Variants in ELAPOR1 observed in about 807,000 individuals in gnomAD.
The protein encoded by ELAPOR1 is endosome/lysosome-associated apoptosis and autophagy regulator 1.
ELAPOR1 carries 77 observed loss-of-function variants against 119.7 expected under a neutral mutation model. The ratio of observed to expected loss-of-function variants is 0.64; its 90% confidence interval spans 0.54 to 0.78. ELAPOR1 has a LOEUF of 0.78. ELAPOR1 is among the 30% of genes least tolerant of loss of function. The pLI is 0.00. For synonymous variants in ELAPOR1, 481 were observed against 487.2 expected, an observed-to-expected ratio of 0.99 and a Z score of 0.17; for missense variants, 1,115 against 1,270.4, an observed-to-expected ratio of 0.88 and a Z score of 1.86.
At chr1:109,167,810 T>C (rs1369897211) in intron 3 of ELAPOR1, among the ~76,000 whole-genome samples, 2 of 152,114 alleles carry the variant, frequency 1.3e-5, no homozygotes, top group African/African-American at 2.4e-5. Flanking sequence ...GTTTCACTTA[T>C]GTTGCCCAGG....
At chr1:109,162,040 T>C (rs773170019) in intron 2 of ELAPOR1, 26 bp downstream of exon 2, 1 of 1,592,114 alleles carries the variant, frequency 6.3e-7, no homozygotes, top group South Asian at 1.1e-5. Flanking sequence ...GCTCAGGGCC[T>C]CCCTGTCACT....
At position 109,144,061 on chromosome 1, in the gene ELAPOR1, A is replaced by ATATTTTTTTTTT; in HGVS notation, c.154-17832_154-17831insATTTTTTTTTTT. 3.6e-4 allele frequency among the ~76,000 whole-genome samples: 32 copies of ATATTTTTTTTTT among 88,982 alleles called. 1 individual carries two copies. The highest frequency in any genetic ancestry group is 7.1e-4 in the South Asian group (2 of 2,836). The allele number at this position is 88,982 out of a possible 152,430, so 58.4% of individuals were successfully genotyped here. On this transcript the variant is annotated intron_variant, in intron 1 of 21. Coordinates refer to ENST00000369939, the MANE Select transcript of ELAPOR1 (RefSeq NM_020775.5). The stretch of plus-strand genomic sequence containing the variant: ...TATATATATATATATATATTTATAT[A>ATATTTTTTTTTT]TTTTTTTTTTTTTTTGAGATGGAGT...
chr1:109,184,269 GC>G (rs1652919486), intron 7 of ELAPOR1, among the ~76,000 whole-genome samples: 1 of 152,120 alleles, frequency 6.6e-6, no homozygotes, highest in Non-Finnish European at 1.5e-5. Flanking sequence ...TACTCAAGAA[GC>G]TGAGGCAGGA....
At chr1:109,201,278 G>A in intron 21 of ELAPOR1, 1 of 456,406 alleles carries the variant, frequency 2.2e-6, no homozygotes, top group Non-Finnish European at 4.4e-6. Context: ...TCTGATAGAA[G>A]TCAGGCTCTC....
At chr1:109,186,582 G>C in intron 8 of ELAPOR1, 2 of 985,450 alleles carry the variant, frequency 2.0e-6, no homozygotes, top group South Asian at 9.4e-5. Flanking sequence ...GCAGCCAAGA[G>C]AGAATGGCTG....
intron 15 of ELAPOR1, among the ~76,000 whole-genome samples, chr1:109,196,270 C>G (rs776547303): frequency 1.3e-5 from 2 of 152,142 alleles, no homozygotes; most frequent in Non-Finnish European, 2.9e-5. Flanking sequence ...GCAAAGAAGT[C>G]GATGGGTGTT....
chr1:109,181,552 A>G (rs1652695758), intron 7 of ELAPOR1, among the ~76,000 whole-genome samples: 1 of 152,226 alleles, frequency 6.6e-6, no homozygotes. Context: ...ACCCAGAGCT[A>G]GGATGTCAGA....
At chr1:109,131,772 C>T (rs1174971579) in intron 1 of ELAPOR1, among the ~76,000 whole-genome samples, 3 of 152,102 alleles carry the variant, frequency 2.0e-5, no homozygotes, top group Non-Finnish European at 4.4e-5. Flanking sequence ...CATCTGAGGG[C>T]CTAGGGCAGT....
At position 109,192,759 on chromosome 1, in the gene ELAPOR1, T is replaced by C; in HGVS notation, c.1832T>C (p.Ile611Thr). The C allele has an allele frequency of 6.2e-7, 1 of 1,613,974 alleles. No individual in the cohort carries two copies. The highest frequency in any genetic ancestry group is 1.1e-5 in the South Asian group (1 of 91,082). ...ACCTCTTGTCCTGCTGGTTACTATA[T>C]TGACCGAGATTCAGGAACCTGCCAC... ...SCTSCPAGYY[I>T]DRDSGTCHSC... is the part of the protein sequence containing the mutation. Residue 611 changes from isoleucine to threonine, a missense_variant, in exon 14 of 22, where the codon ATT becomes ACT. Coordinates refer to ENST00000369939, the MANE Select transcript of ELAPOR1 (RefSeq NM_020775.5).
At chr1:109,170,716 G>T (rs951201699) in intron 3 of ELAPOR1, among the ~76,000 whole-genome samples, 2 of 152,220 alleles carry the variant, frequency 1.3e-5, no homozygotes, top group African/African-American at 2.4e-5. Context: ...GGAGTGCCAT[G>T]GTCAGACGTC....
At chr1:109,161,142 T>C (rs1321147485) in intron 1 of ELAPOR1, among the ~76,000 whole-genome samples, 3 of 152,070 alleles carry the variant, frequency 2.0e-5, no homozygotes, top group African/African-American at 7.2e-5. Flanking sequence ...CCAGGCGTGG[T>C]GGCTCATGCC....
At chr1:109,116,297 A>T (rs765864623) in intron 1 of ELAPOR1, among the ~76,000 whole-genome samples, 8 of 152,158 alleles carry the variant, frequency 5.3e-5, no homozygotes, top group Non-Finnish European at 2.9e-5. Context: ...TGGTTTTTGG[A>T]TTTGTAGAAT....
At chr1:109,202,715 C>T (rs1258285281) in intron 21 of ELAPOR1, among the ~76,000 whole-genome samples, 1 of 152,200 alleles carries the variant, frequency 6.6e-6, no homozygotes. Context: ...GCTGGGATTA[C>T]AGGCATGAGC....
intron 7 of ELAPOR1, among the ~76,000 whole-genome samples, chr1:109,174,318 C>T (rs1170019363): frequency 4.3e-5 from 6 of 140,328 alleles, no homozygotes; most frequent in African/African-American, 7.9e-5. Context: ...GAGGTCAAAC[C>T]GGGAAGATCA....
intron 1 of ELAPOR1, among the ~76,000 whole-genome samples, chr1:109,124,970 C>G (rs565215192): frequency 6.6e-6 from 1 of 152,088 alleles, no homozygotes; most frequent in Non-Finnish European, 1.5e-5. Context: ...GCTCTGTCAC[C>G]CAGGCTGGAC....
chr1:109,137,689 C>T (rs551734066), intron 1 of ELAPOR1, among the ~76,000 whole-genome samples: 5 of 150,870 alleles, frequency 3.3e-5, no homozygotes, highest in Non-Finnish European at 5.9e-5. Flanking sequence ...CCACCACCCC[C>T]GGCTAATTTT....
intron 1 of ELAPOR1, among the ~76,000 whole-genome samples, chr1:109,145,634 C>A (rs1650131239): frequency 6.6e-6 from 1 of 151,952 alleles, no homozygotes; most frequent in South Asian, 2.1e-4. Context: ...CCAACCTGGG[C>A]AACAGAGCAA....
chr1:109,117,597 GA>G (rs1473932437), intron 1 of ELAPOR1, among the ~76,000 whole-genome samples: 9 of 152,148 alleles, frequency 5.9e-5, no homozygotes, highest in Admixed American at 5.9e-4. Context: ...TCAAATTCCT[GA>G]TCTGTGAAAT....
intron 1 of ELAPOR1, among the ~76,000 whole-genome samples, chr1:109,161,350 C>T (rs898584379): frequency 5.1e-5 from 7 of 137,946 alleles, no homozygotes; most frequent in Non-Finnish European, 7.5e-5. Context: ...GCGGAGGTTA[C>T]GGTGAGCCAA....
Sources: gnomAD v4.1 joint callset for allele counts (sites outside exome capture counted in the v4.1 genomes callset) on GRCh38, gnomAD v4.1.1 for gene constraint, MANE v1.5 for transcripts, NCBI Gene and HGNC (gene_info 2026-07-23, HGNC 2026-07-21) for gene names.